Variants in PAK3 observed in about 807,000 individuals in gnomAD.
The protein encoded by PAK3 is p21 (RAC1) activated kinase 3, also known as serine/threonine-protein kinase PAK 3.
Under a neutral mutation model 41.0 loss-of-function variants are expected in PAK3, and 4 were observed. The observed-to-expected ratio is 0.10, with a 90% CI of 0.05 to 0.22. The LOEUF is 0.22. Ranked by LOEUF, PAK3 falls within the 10% of genes least tolerant of loss-of-function variation. The pLI, the probability that PAK3 is intolerant of heterozygous loss-of-function variation, is 1.00. For synonymous variants in PAK3, 146 were observed against 139.6 expected, an observed-to-expected ratio of 1.05 and a Z score of -0.32; for missense variants, 205 against 409.9, an observed-to-expected ratio of 0.50 and a Z score of 4.32.
chrX:111,211,398 T>C (rs192148418), intron 16 of PAK3, among the ~76,000 whole-genome samples: 4 of 110,639 alleles, frequency 3.6e-5, no homozygotes, highest in African/African-American at 1.3e-4. Flanking sequence ...TTGAAAAAGG[T>C]ATGTGGGCTG....
At chrX:111,055,148 A>G (rs1362847052) in intron 1 of PAK3, among the ~76,000 whole-genome samples, 2 of 111,949 alleles carry the variant, frequency 1.8e-5, no homozygotes, top group Non-Finnish European at 3.8e-5. Flanking sequence ...CTTTGCCTTG[A>G]GGCAATCTCT....
chrX:111,083,076 A>G (rs140174686), intron 1 of PAK3, among the ~76,000 whole-genome samples: 3,572 of 112,595 alleles, frequency 0.032, 68 homozygotes, highest in Middle Eastern at 0.056. Context: ...TCTGATATGA[A>G]CACTAATAAT....
intron 1 of PAK3, among the ~76,000 whole-genome samples, chrX:111,002,590 C>T (rs1304141553): frequency 9.0e-6 from 1 of 111,723 alleles, no homozygotes; most frequent in African/African-American, 3.3e-5. Context: ...GGCATCCCAA[C>T]TTGAAAGACT....
chrX:111,051,460 T>C (rs1482423115), intron 1 of PAK3, among the ~76,000 whole-genome samples: 2 of 111,976 alleles, frequency 1.8e-5, no homozygotes, highest in African/African-American at 6.5e-5. Flanking sequence ...CTTTTTAGAA[T>C]TGCTCTTGTG....
intron 7 of PAK3, among the ~76,000 whole-genome samples, chrX:111,149,100 G>C (rs2093990618): frequency 9.0e-6 from 1 of 111,459 alleles, no homozygotes; most frequent in Non-Finnish European, 1.9e-5. Context: ...AGGGATTACA[G>C]GGCCCATGCA....
chrX:111,036,642 G>C (rs1433152500), intron 1 of PAK3, among the ~76,000 whole-genome samples: 1 of 111,986 alleles, frequency 8.9e-6, no homozygotes, highest in Admixed American at 9.4e-5. Flanking sequence ...GGTGAGATTT[G>C]GGTGGGCACA....
intron 1 of PAK3, among the ~76,000 whole-genome samples, chrX:111,045,308 A>G (rs1388943904): frequency 8.9e-6 from 1 of 112,538 alleles, no homozygotes; most frequent in Non-Finnish European, 1.9e-5. Context: ...ACTTTCCACT[A>G]TGTTATGGGC....
At chrX:111,107,969 A>G (rs1009497822) in intron 4 of PAK3, among the ~76,000 whole-genome samples, 7 of 111,993 alleles carry the variant, frequency 6.3e-5, no homozygotes, top group Admixed American at 1.9e-4. Context: ...TAGGCCCCAC[A>G]TAGAGCTAGG....
At chrX:111,020,266 A>G (rs1342504863) in intron 1 of PAK3, among the ~76,000 whole-genome samples, 1 of 112,199 alleles carries the variant, frequency 8.9e-6, no homozygotes, top group East Asian at 2.8e-4. Context: ...TGAACTTTGA[A>G]GACATTATGC....
chrX:111,163,009 C>G lies in PAK3; in HGVS notation c.563C>G (p.Pro188Arg). 8.3e-7 allele frequency: 1 copy of G among 1,207,674 alleles called. No homozygotes were observed. Among genetic ancestry groups the G allele is most frequent in the Non-Finnish European group, 1.1e-6 (1 of 892,319 alleles). Residue 188 changes from proline to arginine, a missense_variant, in exon 9 of 18, where the codon CCA becomes CGA. Coordinates refer to ENST00000372007, the MANE Select transcript of PAK3 (RefSeq NM_002578.5). ...EEEEEDENEPPPVIAPRPEHT... is the reference protein window; with the variant it reads ...EEEEEDENEPRPVIAPRPEHT... ...GAAGAAGAAGATGAAAATGAGCCAC[C>G]ACCAGTTATCGCACCAAGACCAGAG... is the stretch of plus-strand genomic sequence containing the variant.
intron 1 of PAK3, among the ~76,000 whole-genome samples, chrX:110,996,846 A>G (rs1209448592): frequency 8.9e-6 from 1 of 112,086 alleles, no homozygotes; most frequent in East Asian, 2.8e-4. Flanking sequence ...CCCAGTCTGT[A>G]GTATTTTGTT....
At chrX:111,070,549 A>T (rs190347612) in intron 1 of PAK3, among the ~76,000 whole-genome samples, 1 of 112,105 alleles carries the variant, frequency 8.9e-6, no homozygotes, top group Non-Finnish European at 1.9e-5. Context: ...CTGCAAAAGT[A>T]TCTGAAACGA....
upstream of PAK3, among the ~76,000 whole-genome samples, chrX:111,092,016 G>A (rs952444551): frequency 1.8e-5 from 2 of 111,415 alleles, no homozygotes; most frequent in African/African-American, 3.3e-5. Context: ...GGAAATCTGG[G>A]TTGCTTTTGC....
At chrX:111,182,362 C>G (rs1000191657) in intron 11 of PAK3, among the ~76,000 whole-genome samples, 1 of 110,023 alleles carries the variant, frequency 9.1e-6, no homozygotes, top group Non-Finnish European at 1.9e-5. Flanking sequence ...ATTAGATGAC[C>G]GTGAATACTC....
At chrX:111,103,998 C>G (rs773248428) in intron 4 of PAK3, among the ~76,000 whole-genome samples, 1 of 112,188 alleles carries the variant, frequency 8.9e-6, no homozygotes, top group South Asian at 3.7e-4. Context: ...TCTTCAAGGG[C>G]AGGGACTAGA....
chrX:110,976,553 A>T (rs1220440910), intron 1 of PAK3, among the ~76,000 whole-genome samples: 1 of 112,141 alleles, frequency 8.9e-6, no homozygotes, highest in Non-Finnish European at 1.9e-5. Flanking sequence ...CAGTGTGGCG[A>T]TTCCTCAAGG....
chrX:111,102,997 A>AAG lies in PAK3; in HGVS notation c.-175-149_-175-148dup, dbSNP rs199853190. 2.1e-3 allele frequency among the ~76,000 whole-genome samples: 231 copies of AAG among 109,521 alleles called. 2 individuals are homozygous for AAG. Among genetic ancestry groups the AAG allele is most frequent in the East Asian group, 6.0e-3 (21 of 3,515 alleles). ...CTGAAATTCACCAGAGAGATTGAGAAAGAGAGAGAGAGAGTGTGTGTGTGT... is the reference window on the plus strand; with the variant it reads ...CTGAAATTCACCAGAGAGATTGAGAAAGAGAGAGAGAGAGAGTGTGTGTGTGT... On this transcript the variant is annotated intron_variant, in intron 3 of 17. Coordinates refer to ENST00000372007, the MANE Select transcript of PAK3 (RefSeq NM_002578.5).
At chrX:111,087,450 A>G (rs1052332771) in intron 1 of PAK3, among the ~76,000 whole-genome samples, 1 of 109,142 alleles carries the variant, frequency 9.2e-6, no homozygotes, top group African/African-American at 3.3e-5. Flanking sequence ...TTGATTATGA[A>G]GTGCAACAGG....
chrX:111,103,352 A>T (rs1164046044), intron 4 of PAK3, 46 bp downstream of exon 4: 1 of 112,356 alleles, frequency 8.9e-6, no homozygotes, highest in Non-Finnish European at 1.9e-5. Flanking sequence ...CTCCAAATCC[A>T]GGCAAATGCT....
Sources: gnomAD v4.1 joint callset for allele counts (sites outside exome capture counted in the v4.1 genomes callset) on GRCh38, gnomAD v4.1.1 for gene constraint, MANE v1.5 for transcripts, NCBI Gene and HGNC (gene_info 2026-07-23, HGNC 2026-07-21) for gene names.